Variants in MCF2L2 observed in about 807,000 individuals in gnomAD.
The protein encoded by MCF2L2 is probable guanine nucleotide exchange factor MCF2L2.
MCF2L2 carries 102 observed loss-of-function variants against 150.2 expected under a neutral mutation model. The observed-to-expected ratio is 0.68, with a 90% CI of 0.58 to 0.80. MCF2L2 has a LOEUF of 0.80. MCF2L2 is among the 30% of genes least tolerant of loss of function. The pLI is 0.00. For synonymous variants in MCF2L2, 465 were observed against 491.3 expected (o/e 0.95, Z 0.71); for missense variants, 1,256 against 1,372.8 (o/e 0.91, Z 1.34).
chr3:183,335,467 A>G (rs949864014), intron 5 of MCF2L2, among the ~76,000 whole-genome samples: 104 of 152,264 alleles, frequency 6.8e-4, no homozygotes, highest in African/African-American at 2.4e-3. Flanking sequence ...TCCAAAATTC[A>G]TATGTTGAAA....
chr3:183,283,547 A>G lies in MCF2L2; in HGVS notation c.1776+5573T>C, dbSNP rs1434237172. Among the ~76,000 whole-genome samples the G allele has an allele frequency of 6.7e-6, 1 of 149,834 alleles. No homozygotes were observed. Among genetic ancestry groups the G allele is most frequent in the East Asian group, 2.0e-4 (1 of 5,126 alleles). On this transcript the variant is annotated intron_variant, in intron 14 of 29. Coordinates refer to ENST00000328913, the MANE Select transcript of MCF2L2 (RefSeq NM_015078.4). The surrounding 1 kb of genome is among the most constrained non-coding windows in gnomAD (Gnocchi z 4.2). ...TTATTCTTTTTTTTTTTTTAGATGG[A>G]GTCTCACTCTGTCACCCAGGCTGGA...
Position 183,179,218 on chromosome 3 carries a change from C to CG in MCF2L2, c.*161_*162insC. 1.0e-6 allele frequency: 1 copy of CG among 989,450 alleles called. No homozygotes were observed. The highest frequency in any genetic ancestry group is 4.2e-5 in the Admixed American group (1 of 23,972). 61.3% of individuals were successfully genotyped at this position (989,450 alleles called of 1,614,324 possible). On this transcript the variant is annotated 3_prime_UTR_variant, in exon 30 of 30. Coordinates refer to ENST00000328913, the MANE Select transcript of MCF2L2 (RefSeq NM_015078.4). This position sits in a 1 kb window ranked among gnomAD's most constrained non-coding sequence, Gnocchi z 4.2. ...TGCGGAGCTAGGCGCGCACCCAGGA[C>CG]ACCCCTCGGGCTCCTCGGAGGAGGC...
intron 25 of MCF2L2, among the ~76,000 whole-genome samples, chr3:183,202,418 A>C (rs995656777): frequency 1.3e-5 from 2 of 152,210 alleles, no homozygotes; most frequent in African/African-American, 4.8e-5. Context: ...AGACTCTAGA[A>C]GACCATGCAC....
In MCF2L2 at chr3:183,297,213, T is replaced by C. The variant is rs780673891; in HGVS notation, c.1306-46A>G. 3.3e-6 allele frequency: 5 copies of C among 1,528,544 alleles called. No individual in the cohort carries two copies. In the South Asian group the frequency reaches 4.6e-5, roughly 14 times the overall value. 94.7% of individuals were successfully genotyped at this position (1,528,544 alleles called of 1,614,324 possible). A position where few individuals can be genotyped will look rare whatever the true frequency, so the allele number is the denominator to read the frequency against. On this transcript the variant is annotated intron_variant, in intron 11 of 29. Coordinates refer to ENST00000328913, the MANE Select transcript of MCF2L2 (RefSeq NM_015078.4). The stretch of plus-strand genomic sequence containing the variant: ...CCTGTGCACTTCGCCTGACCACAAC[T>C]CAGAGCCACCGTAATCCTCAGCAGG...
chr3:183,186,079 A>G (rs1373769986), intron 27 of MCF2L2, among the ~76,000 whole-genome samples: 2 of 152,104 alleles, frequency 1.3e-5, no homozygotes, highest in Non-Finnish European at 2.9e-5. Context: ...AGCTGCCCTC[A>G]AATGTTCTGG....
chr3:183,396,738 AATT>A (rs774481035), intron 1 of MCF2L2, among the ~76,000 whole-genome samples: 11 of 152,046 alleles, frequency 7.2e-5, no homozygotes, highest in African/African-American at 2.2e-4. Flanking sequence ...CAATAATAAT[AATT>A]ATTATTATTG....
At chr3:183,359,995 T>C (rs1485866231) in intron 3 of MCF2L2, among the ~76,000 whole-genome samples, 7 of 152,220 alleles carry the variant, frequency 4.6e-5, no homozygotes, top group Admixed American at 2.0e-4. Flanking sequence ...GAGGCTCCAA[T>C]TGTTCATTCA....
chr3:183,254,264 T>C (rs1724810843), intron 15 of MCF2L2: 1 of 151,304 alleles, frequency 6.6e-6, no homozygotes, highest in African/African-American at 2.4e-5. Flanking sequence ...CGGGGGCGCG[T>C]GGCTGGCGTG....
chr3:183,343,228 T>C (rs954687428), intron 3 of MCF2L2, among the ~76,000 whole-genome samples: 2 of 152,226 alleles, frequency 1.3e-5, no homozygotes. Flanking sequence ...GAAATATAAA[T>C]GAACAAATTC....
chr3:183,269,980 C>G (rs1365005604), intron 15 of MCF2L2: 11 of 1,613,938 alleles, frequency 6.8e-6, no homozygotes, highest in African/African-American at 2.7e-5. Context: ...GTGAATGATA[C>G]CCTGTCTCTT....
In MCF2L2 at chr3:183,384,238, T is replaced by A. The variant is rs80113161; in HGVS notation, c.161-4827A>T. Among the ~76,000 whole-genome samples the A allele has an allele frequency of 4.5e-3, 682 of 152,326 alleles. 3 individuals carry two copies. Among genetic ancestry groups the A allele is most frequent in the African/African-American group, 0.015 (639 of 41,566 alleles). ...TAACATCCAAGCTCTCCTTGTTCAT[T>A]CCTGGGCGTAGGCTGAACTAACTTT... On this transcript the variant is annotated intron_variant, in intron 2 of 29. Coordinates refer to ENST00000328913, the MANE Select transcript of MCF2L2 (RefSeq NM_015078.4).
chr3:183,401,335 C>T (rs1205838123), intron 1 of MCF2L2, among the ~76,000 whole-genome samples: 1 of 152,158 alleles, frequency 6.6e-6, no homozygotes, highest in Non-Finnish European at 1.5e-5. Context: ...TGTTTTTACA[C>T]AAGCTTCTCA....
At chr3:183,190,263 C>T (rs536111) in intron 27 of MCF2L2, among the ~76,000 whole-genome samples, 105,832 of 152,086 alleles carry the variant, frequency 0.7, 37,936 homozygotes, top group East Asian at 0.83. Flanking sequence ...TCTGAGCAAT[C>T]GAACTGCTAC....
At chr3:183,201,291 TTTTA>T (rs1229635524) in intron 25 of MCF2L2, among the ~76,000 whole-genome samples, 1 of 152,216 alleles carries the variant, frequency 6.6e-6, no homozygotes, top group Non-Finnish European at 1.5e-5. Flanking sequence ...TTGTGTCCTC[TTTTA>T]TTTTGTTGAG....
chr3:183,346,336 A>C (rs1577079233), intron 3 of MCF2L2, among the ~76,000 whole-genome samples: 2 of 152,368 alleles, frequency 1.3e-5, no homozygotes, highest in East Asian at 3.9e-4. Flanking sequence ...CAATAGATGC[A>C]GAAAAGCCCT....
At position 183,179,181 on chromosome 3, in the gene MCF2L2, C is replaced by G; in HGVS notation, c.*199G>C. The G allele has an allele frequency of 1.5e-6, 1 of 654,050 alleles. No homozygotes were observed. The highest frequency in any genetic ancestry group is 2.3e-6 in the Non-Finnish European group (1 of 442,334). The allele number at this position is 654,050 out of a possible 1,614,324, so 40.5% of individuals were successfully genotyped here. ...CTCTGCAGGCGCCTTAGAGCAGCTCCGAGGTCCCCCGTGCGGAGCTAGGCG... is the reference window on the plus strand; with the variant it reads ...CTCTGCAGGCGCCTTAGAGCAGCTCGGAGGTCCCCCGTGCGGAGCTAGGCG... On this transcript the variant is annotated 3_prime_UTR_variant, in exon 30 of 30. Coordinates refer to ENST00000328913, the MANE Select transcript of MCF2L2 (RefSeq NM_015078.4). This position sits in a 1 kb window ranked among gnomAD's most constrained non-coding sequence, Gnocchi z 4.2.
At chr3:183,329,468 T>C (rs150137192) in intron 5 of MCF2L2, among the ~76,000 whole-genome samples, 214 of 152,336 alleles carry the variant, frequency 1.4e-3, no homozygotes, top group African/African-American at 5.0e-3. Context: ...ATTACAGGTG[T>C]GAGCCACCAT....
chr3:183,395,185 C>G (rs1714366400), intron 1 of MCF2L2, among the ~76,000 whole-genome samples: 1 of 152,066 alleles, frequency 6.6e-6, no homozygotes, highest in Admixed American at 6.6e-5. Context: ...ATAATAAAAA[C>G]TTTATATGTA....
intron 27 of MCF2L2, among the ~76,000 whole-genome samples, chr3:183,187,056 C>T (rs1022812220): frequency 6.6e-6 from 1 of 152,302 alleles, no homozygotes; most frequent in Admixed American, 6.5e-5. Context: ...AAATAACCCA[C>T]CATCTCTCCA....
Sources: allele counts gnomAD v4.1 joint callset (sites outside exome capture counted in the v4.1 genomes callset), GRCh38; gene constraint gnomAD v4.1.1; non-coding constraint Gnocchi (gnomAD v3.1); transcripts MANE v1.5; gene names NCBI Gene and HGNC (gene_info 2026-07-23, HGNC 2026-07-21).